The following TNRC6C variants were observed in gnomAD, a reference collection of about 807,000 sequenced individuals.
TNRC6C encodes the protein trinucleotide repeat-containing gene 6C protein.
TNRC6C carries 20 observed loss-of-function variants against 153.7 expected under a neutral mutation model. That is an observed-to-expected ratio of 0.13 (90% CI 0.09 to 0.19). The LOEUF is 0.19. Among genes scored for constraint, TNRC6C ranks in the 10% least tolerant of loss-of-function variants. The pLI is 1.00. For missense variants in TNRC6C, 1,987 were observed against 2,172.0 expected (o/e 0.91, Z 1.69); for synonymous variants, 811 against 841.4 (o/e 0.96, Z 0.63).
chr17:78,005,870 A>G (rs1462452009), intron 1 of TNRC6C, among the ~76,000 whole-genome samples: 1 of 147,092 alleles, frequency 6.8e-6, no homozygotes, highest in Non-Finnish European at 1.5e-5. Context: ...AATAAAATGT[A>G]AAAAAAAAAG....
At chr17:78,001,341 C>A (rs555847849), upstream of TNRC6C, among the ~76,000 whole-genome samples, 1 of 152,188 alleles carries the variant, frequency 6.6e-6, no homozygotes, top group African/African-American at 2.4e-5. Context: ...ATCAGATTTC[C>A]TCCTTACCTA....
At chr17:77,998,268 A>C (rs1194405071) in intron 1 of TNRC6C, among the ~76,000 whole-genome samples, 1 of 152,076 alleles carries the variant, frequency 6.6e-6, no homozygotes, top group Admixed American at 6.6e-5. Context: ...TAGTCTTTTG[A>C]GTTTGGCTGC....
intron 1 of TNRC6C, among the ~76,000 whole-genome samples, chr17:77,961,383 T>A (rs1389732919): frequency 6.6e-6 from 1 of 152,206 alleles, no homozygotes; most frequent in Non-Finnish European, 1.5e-5. Flanking sequence ...CTCGAACTCC[T>A]GACTTCAGGT....
chr17:78,022,726 G>A (rs1598699995), intron 1 of TNRC6C, among the ~76,000 whole-genome samples: 2 of 152,180 alleles, frequency 1.3e-5, no homozygotes, highest in Admixed American at 6.5e-5. Context: ...TCTTCATTTC[G>A]AGTCTTTTAA....
At chr17:78,062,241 T>C (rs1020737338) in intron 3 of TNRC6C, among the ~76,000 whole-genome samples, 10 of 152,242 alleles carry the variant, frequency 6.6e-5, no homozygotes, top group African/African-American at 2.4e-4. Context: ...TCCCCTGTTA[T>C]TGGTAACTAT....
At chr17:77,959,765 C>G (rs1051127525) in intron 1 of TNRC6C, among the ~76,000 whole-genome samples, 4 of 152,134 alleles carry the variant, frequency 2.6e-5, no homozygotes, top group South Asian at 2.1e-4. Flanking sequence ...TCTAACGGTG[C>G]TGCGGACTGC....
At chr17:78,093,830 G>C (rs994959707) in intron 16 of TNRC6C, 67 bp downstream of exon 18, 4 of 1,588,490 alleles carry the variant, frequency 2.5e-6, no homozygotes, top group Non-Finnish European at 3.4e-6. Flanking sequence ...GATGTCAGGG[G>C]TGACAGGTTG....
chr17:78,007,719 C>A (rs2071547035), intron 1 of TNRC6C, among the ~76,000 whole-genome samples: 1 of 152,186 alleles, frequency 6.6e-6, no homozygotes, highest in Admixed American at 6.5e-5. Flanking sequence ...GAGTTGGATA[C>A]TCTTAAGAGA....
At chr17:78,018,919 A>G (rs979202675) in intron 1 of TNRC6C, among the ~76,000 whole-genome samples, 5 of 152,148 alleles carry the variant, frequency 3.3e-5, no homozygotes, top group African/African-American at 1.2e-4. Flanking sequence ...TTGGCAGTCC[A>G]TGTTAGGTTA....
In TNRC6C at chr17:78,030,861, G is replaced by A. The variant is rs183847902; in HGVS notation, c.-545-655G>A. On this transcript the variant is annotated intron_variant, in intron 1 of 19. Coordinates refer to ENST00000301624, the Ensembl canonical transcript of TNRC6C. ...CACCCGTAATCCCAGCACTTTAGGA[G>A]GCTGAGGCGAGCGGATCACTTGAGG... Among the ~76,000 whole-genome samples the A allele has an allele frequency of 4.6e-5, 7 of 152,282 alleles. No homozygotes were observed. In the East Asian group the frequency reaches 1.4e-3, roughly 29 times the overall value.
intron 1 of TNRC6C, among the ~76,000 whole-genome samples, chr17:78,027,354 T>C (rs1277920401): frequency 6.6e-6 from 1 of 152,088 alleles, no homozygotes; most frequent in African/African-American, 2.4e-5. Flanking sequence ...GTTCAAGTGA[T>C]GATGAGAAGG....
intron 1 of TNRC6C, among the ~76,000 whole-genome samples, chr17:77,988,262 C>G (rs989579146): frequency 2.3e-4 from 35 of 151,948 alleles, no homozygotes; most frequent in Admixed American, 2.3e-3. Context: ...GCCTGTGGTC[C>G]CAGCTACTCA....
At chr17:78,030,013 C>CT (rs1374137862) in intron 1 of TNRC6C, among the ~76,000 whole-genome samples, 4 of 151,618 alleles carry the variant, frequency 2.6e-5, no homozygotes, top group Non-Finnish European at 5.9e-5. Context: ...TTGTTTTTGG[C>CT]TTTTTTTTAT....
upstream of TNRC6C, chr17:78,004,908 A>G: frequency 1.7e-6 from 1 of 574,908 alleles, no homozygotes; most frequent in Admixed American, 4.4e-5. Flanking sequence ...TTTTCCCACT[A>G]ATAAATTGTA....
At chr17:77,993,438 A>T (rs1453356361) in intron 1 of TNRC6C, among the ~76,000 whole-genome samples, 1 of 152,200 alleles carries the variant, frequency 6.6e-6, no homozygotes, top group Non-Finnish European at 1.5e-5. Context: ...TTGATGTAAG[A>T]TAGTAATTTC....
At chr17:77,976,522 T>C (rs2070999337) in intron 1 of TNRC6C, among the ~76,000 whole-genome samples, 1 of 152,230 alleles carries the variant, frequency 6.6e-6, no homozygotes, top group South Asian at 2.1e-4. Context: ...TCTCCTGTGG[T>C]ATTATCTTAA....
At chr17:78,050,750 A>C in exon 3 of TNRC6C, 1 of 1,595,304 alleles carries the variant, frequency 6.3e-7, no homozygotes, top group Non-Finnish European at 8.6e-7. Flanking sequence ...GGGGCCGCAA[A>C]TCAGGAGGAC....
chr17:78,098,355 A>G (rs754775207), exon 17 of TNRC6C: 4 of 1,611,490 alleles, frequency 2.5e-6, no homozygotes. Flanking sequence ...AAACTGTCAG[A>G]CATCAAATCG....
chr17:78,027,997 G>A (rs1275084211), intron 1 of TNRC6C, among the ~76,000 whole-genome samples: 6 of 150,284 alleles, frequency 4.0e-5, no homozygotes, highest in Non-Finnish European at 8.9e-5. Context: ...CCGGGTTCAC[G>A]CCATTCTCCT....
Sources: allele counts gnomAD v4.1 joint callset (sites outside exome capture counted in the v4.1 genomes callset), GRCh38; gene constraint gnomAD v4.1.1; transcripts MANE v1.5; gene names NCBI Gene and HGNC (gene_info 2026-07-23, HGNC 2026-07-21).